RASSF8: variants seen among roughly 807,000 people sequenced by gnomAD.
RASSF8 encodes the protein ras association domain-containing protein 8.
RASSF8 carries 22 observed loss-of-function variants against 48.5 expected under a neutral mutation model. The ratio of observed to expected loss-of-function variants is 0.45; its 90% CI spans 0.32 to 0.65. The LOEUF (loss-of-function observed/expected upper bound fraction) is 0.65, where lower values mean the gene tolerates loss of function less well. RASSF8 is among the 30% of genes least tolerant of loss of function. The pLI is 0.03. For synonymous variants in RASSF8, 127 were observed against 171.5 expected, an observed-to-expected ratio of 0.74 and a Z score of 2.03; for missense variants, 418 against 489.2, an observed-to-expected ratio of 0.85 and a Z score of 1.37.
Position 26,069,046 on chromosome 12 carries a change from AAT to A in RASSF8, c.*229_*230del. On this transcript the variant is annotated 3_prime_UTR_variant, in exon 6 of 6. Transcript: ENST00000689635. ...GTTGATATTTTTGTCCAGCAGCTAT[AAT>A]GCAAAGCCTTCGTTTTTATTTGTAG... The A allele has an allele frequency of 1.7e-6, 2 of 1,206,086 alleles. No homozygotes were observed. The highest frequency in any genetic ancestry group is 2.1e-6 in the Non-Finnish European group (2 of 966,708). 74.7% of individuals were successfully genotyped at this position (1,206,086 alleles called of 1,614,324 possible). A position where few individuals can be genotyped will look rare whatever the true frequency, so the allele number is the denominator to read the frequency against.
At position 26,071,925 on chromosome 12, in the gene RASSF8, A is replaced by C. The variant is rs1944008661; in HGVS notation, c.*3107A>C. 2.0e-6 allele frequency: 2 copies of C among 985,234 alleles called. No individual in the cohort carries two copies. The highest frequency in any genetic ancestry group is 2.4e-6 in the Non-Finnish European group (2 of 829,840). 61.0% of individuals were successfully genotyped at this position (985,234 alleles called of 1,614,324 possible). A position where few individuals can be genotyped will look rare whatever the true frequency, so the allele number is the denominator to read the frequency against. ...ATGTAATTTACATCTGCATTAAAGG[A>C]TAATTTTCTCTGTGAATAAGAGCAA... On this transcript the variant is annotated 3_prime_UTR_variant, in exon 6 of 6. Coordinates refer to ENST00000689635, the MANE Select transcript of RASSF8 (RefSeq NM_001394098.1).
At chr12:26,040,927 T>C (rs1591791847) in intron 2 of RASSF8, among the ~76,000 whole-genome samples, 1 of 151,406 alleles carries the variant, frequency 6.6e-6, no homozygotes, top group African/African-American at 2.4e-5. Flanking sequence ...TTGCTCTGTC[T>C]CCCAGGCTGG....
rs571185999 is a variant in RASSF8 at position 25,991,409 on chromosome 12, CTTTTTT to C, written c.-202-3621_-202-3616del. Among the ~76,000 whole-genome samples, 452 of 146,822 alleles carry C rather than the reference CTTTTTT, an allele frequency of 3.1e-3. 3 individuals carry two copies. The highest frequency in any genetic ancestry group is 0.011 in the African/African-American group (438 of 40,326). ...AGTTGCCCCATGCCTACAGACGTAA[CTTTTTT>C]TTTTTTCTTTTTTTGAACTCTCACC... On this transcript the variant is annotated intron_variant, in intron 1 of 5. Coordinates refer to ENST00000689635, the MANE Select transcript of RASSF8 (RefSeq NM_001394098.1).
chr12:26,076,747 T>C (rs1565654945), downstream of RASSF8, among the ~76,000 whole-genome samples: 1 of 152,182 alleles, frequency 6.6e-6, no homozygotes, highest in Non-Finnish European at 1.5e-5. Context: ...GTCTTTATAG[T>C]AGCATGATTT....
At chr12:26,076,679 G>T (rs939672325), downstream of RASSF8, among the ~76,000 whole-genome samples, 22 of 152,184 alleles carry the variant, frequency 1.4e-4, no homozygotes, top group African/African-American at 5.3e-4. Context: ...GGACATTTGG[G>T]TTGGTTCCAA....
chr12:26,028,716 A>G (rs550471670), intron 2 of RASSF8, among the ~76,000 whole-genome samples: 1 of 152,326 alleles, frequency 6.6e-6, no homozygotes, highest in African/African-American at 2.4e-5. Context: ...TGAATGAGGA[A>G]GAGTGTACTG....
Position 26,072,678 on chromosome 12 carries a change from G to T in RASSF8, c.*3860G>T, listed in dbSNP as rs911653934. 7 of 984,674 alleles carry T rather than the reference G, an allele frequency of 7.1e-6. No homozygotes were observed. Among genetic ancestry groups the T allele is most frequent in the African/African-American group, 1.7e-5 (1 of 57,310 alleles). The allele number at this position is 984,674 out of a possible 1,614,324, so 61.0% of individuals were successfully genotyped here. On this transcript the variant is annotated 3_prime_UTR_variant, in exon 6 of 6. Coordinates refer to ENST00000689635, the MANE Select transcript of RASSF8 (RefSeq NM_001394098.1). ...CAGAAAATTGCCATGTTCACTAATT[G>T]TGAGCACATAAATATGCTTTTAGTA...
chr12:25,965,789 A>C (rs1297823787), intron 1 of RASSF8, among the ~76,000 whole-genome samples: 1 of 152,192 alleles, frequency 6.6e-6, no homozygotes, highest in Non-Finnish European at 1.5e-5. Context: ...GCAGTAATAT[A>C]CTTTTTTTTG....
At chr12:26,047,023 T>C (rs1187717226) in intron 2 of RASSF8, among the ~76,000 whole-genome samples, 8 of 152,166 alleles carry the variant, frequency 5.3e-5, no homozygotes, top group Non-Finnish European at 7.4e-5. Context: ...ACTTTGAGAG[T>C]GTGGTCTCTA....
intron 1 of RASSF8, among the ~76,000 whole-genome samples, chr12:25,982,959 A>G (rs1941778785): frequency 6.6e-6 from 1 of 152,236 alleles, no homozygotes; most frequent in Non-Finnish European, 1.5e-5. Context: ...TGGTTCCACC[A>G]TAGTAGCACA....
At chr12:26,059,560 A>T (rs927876193) in intron 3 of RASSF8, among the ~76,000 whole-genome samples, 4 of 152,176 alleles carry the variant, frequency 2.6e-5, no homozygotes, top group Non-Finnish European at 2.9e-5. Flanking sequence ...TTAAAAAATT[A>T]TACTCTTCAT....
At chr12:25,997,779 A>G (rs192267077) in intron 2 of RASSF8, among the ~76,000 whole-genome samples, 2 of 152,328 alleles carry the variant, frequency 1.3e-5, no homozygotes, top group Non-Finnish European at 2.9e-5. Flanking sequence ...AAACATTCCA[A>G]TTGCATTCAT....
In RASSF8 at chr12:26,045,890, G is replaced by A. The variant is rs111533280; in HGVS notation, c.-108-9346G>A. Among the ~76,000 whole-genome samples, 1,320 of 152,256 alleles carry A rather than the reference G, an allele frequency of 8.7e-3. 19 individuals are homozygous for A. The highest frequency in any genetic ancestry group is 0.03 in the African/African-American group (1,249 of 41,546). On this transcript the variant is annotated intron_variant, in intron 2 of 5. Transcript: ENST00000689635. The stretch of plus-strand genomic sequence containing the variant: ...ACCTGAATGGTGACTGGAAGGTAAC[G>A]AACTTAATTTGCCATCTCTTACGTA...
At chr12:26,049,732 A>G (rs188164801) in intron 2 of RASSF8, among the ~76,000 whole-genome samples, 66 of 152,376 alleles carry the variant, frequency 4.3e-4, no homozygotes, top group Non-Finnish European at 7.1e-4. Context: ...ATGAAAAACT[A>G]AAGTTACTAG....
At chr12:26,079,475 C>T in exon 6 of RASSF8, 1 of 151,692 alleles carries the variant, frequency 6.6e-6, no homozygotes, top group South Asian at 2.1e-4. Flanking sequence ...CCTGTAATCC[C>T]AGCTACTCGG....
chr12:26,035,060 TTG>T (rs1422204576), intron 2 of RASSF8, among the ~76,000 whole-genome samples: 5 of 151,930 alleles, frequency 3.3e-5, no homozygotes, highest in Non-Finnish European at 5.9e-5. Flanking sequence ...GTTTTTCCAG[TTG>T]TCCAATACTA....
chr12:25,989,035 G>C (rs933193741), intron 1 of RASSF8, among the ~76,000 whole-genome samples: 1 of 152,194 alleles, frequency 6.6e-6, no homozygotes, highest in Non-Finnish European at 1.5e-5. Context: ...CAAACTCACT[G>C]TGCCTCCAAC....
At chr12:26,042,340 A>C (rs1053404178) in intron 2 of RASSF8, among the ~76,000 whole-genome samples, 1 of 152,188 alleles carries the variant, frequency 6.6e-6, no homozygotes, top group Non-Finnish European at 1.5e-5. Flanking sequence ...TTTTTCCATA[A>C]TCTAAGACAA....
At chr12:26,008,725 G>T (rs1942453279) in intron 2 of RASSF8, among the ~76,000 whole-genome samples, 1 of 152,180 alleles carries the variant, frequency 6.6e-6, no homozygotes, top group Non-Finnish European at 1.5e-5. Flanking sequence ...GTACCATAGT[G>T]TCTGCTTCTG....
Sources: allele counts gnomAD v4.1 joint callset (sites outside exome capture counted in the v4.1 genomes callset), GRCh38; gene constraint gnomAD v4.1.1; transcripts MANE v1.5; gene names NCBI Gene and HGNC (gene_info 2026-07-23, HGNC 2026-07-21).